SKIC3: variants seen among roughly 807,000 people sequenced by gnomAD.
SKIC3 encodes superkiller complex protein 3.
the SKIC3 span, chr5:95,523,746 C>T: frequency 6.8e-6 from 11 of 1,613,544 alleles, no homozygotes; most frequent in African/African-American, 4.0e-5. Flanking sequence ...ATAACATCCA[C>T]GAGCTCTGTT....
the SKIC3 span, among the ~76,000 whole-genome samples, chr5:95,489,783 A>C: frequency 6.6e-6 from 1 of 152,168 alleles, no homozygotes; most frequent in Admixed American, 6.5e-5. Context: ...GCGGATAAAA[A>C]ATAAAAATAG....
the SKIC3 span, chr5:95,525,283 C>A: frequency 1.6e-5 from 16 of 999,238 alleles, no homozygotes; most frequent in Admixed American, 1.4e-4. Flanking sequence ...TTAAAGCCTA[C>A]AAAGATCAAA....
the SKIC3 span, among the ~76,000 whole-genome samples, chr5:95,552,956 A>T: frequency 6.6e-6 from 1 of 151,648 alleles, no homozygotes. Flanking sequence ...ATGAATGGTT[A>T]AAAATAGAGG....
the SKIC3 span, among the ~76,000 whole-genome samples, chr5:95,520,432 T>G: frequency 6.7e-6 from 1 of 149,700 alleles, no homozygotes; most frequent in East Asian, 2.0e-4. Context: ...CACTAACACA[T>G]GGTGTCAGAG....
At chr5:95,528,040 TGAA>T in the SKIC3 span, 1 of 1,613,758 alleles carries the variant, frequency 6.2e-7, no homozygotes, top group Non-Finnish European at 8.5e-7. Context: ...TTGCTTCCTC[TGAA>T]GAGTCATAAT....
the SKIC3 span, among the ~76,000 whole-genome samples, chr5:95,509,273 T>G: frequency 6.6e-5 from 10 of 151,840 alleles, no homozygotes; most frequent in African/African-American, 2.4e-4. Flanking sequence ...TAAAACCGGG[T>G]CCTTGTCACA....
chr5:95,499,193 T>C, the SKIC3 span, among the ~76,000 whole-genome samples: 1 of 152,206 alleles, frequency 6.6e-6, no homozygotes, highest in African/African-American at 2.4e-5. Flanking sequence ...CCATGTTGAA[T>C]TGTAATCCCC....
At chr5:95,537,259 A>G in the SKIC3 span, 1 of 904,248 alleles carries the variant, frequency 1.1e-6, no homozygotes, top group Non-Finnish European at 1.7e-6. Context: ...TCTACAGTCT[A>G]ACCCTGACAA....
chr5:95,511,176 C>T, the SKIC3 span, among the ~76,000 whole-genome samples: 16 of 152,238 alleles, frequency 1.1e-4, no homozygotes, highest in Admixed American at 3.9e-4. Context: ...TTTGGGAGTC[C>T]GAGGCGGGTG....
At chr5:95,551,451 G>A in the SKIC3 span, among the ~76,000 whole-genome samples, 78 of 152,262 alleles carry the variant, frequency 5.1e-4, 1 homozygote, top group African/African-American at 1.8e-3. Context: ...TACCGAAATA[G>A]AAGTGTCACT....
At chr5:95,543,111 T>C in the SKIC3 span, 8 of 1,568,370 alleles carry the variant, frequency 5.1e-6, no homozygotes, top group East Asian at 1.1e-4. Context: ...TAGTTTAATG[T>C]TGAAACCTGT....
At chr5:95,502,872 A>C in the SKIC3 span, 2 of 1,612,924 alleles carry the variant, frequency 1.2e-6, no homozygotes, top group Non-Finnish European at 1.7e-6. Flanking sequence ...GATGTCAACT[A>C]TACATACCAT....
At chr5:95,511,319 C>T in the SKIC3 span, among the ~76,000 whole-genome samples, 1 of 152,184 alleles carries the variant, frequency 6.6e-6, no homozygotes, top group Non-Finnish European at 1.5e-5. Flanking sequence ...AAGGCTAAGG[C>T]AAGAGAATGG....
the SKIC3 span, chr5:95,498,596 A>G: frequency 1.9e-6 from 3 of 1,611,788 alleles, no homozygotes; most frequent in Non-Finnish European, 2.5e-6. Context: ...ATAGAGCTGT[A>G]AAGATATTTT....
At chr5:95,554,004 G>A in the SKIC3 span, among the ~76,000 whole-genome samples, 4 of 152,142 alleles carry the variant, frequency 2.6e-5, no homozygotes, top group Non-Finnish European at 4.4e-5. Flanking sequence ...GCTCTGACTG[G>A]CTCCCTGTGT....
At chr5:95,483,194 T>C in the SKIC3 span, among the ~76,000 whole-genome samples, 1 of 152,164 alleles carries the variant, frequency 6.6e-6, no homozygotes, top group Non-Finnish European at 1.5e-5. Context: ...CATACATAAA[T>C]GTATTGTATA....
the SKIC3 span, among the ~76,000 whole-genome samples, chr5:95,467,401 C>G: frequency 6.6e-6 from 1 of 152,142 alleles, no homozygotes; most frequent in Middle Eastern, 3.2e-3. Flanking sequence ...GTTGTTGGTA[C>G]TCAAAAAGTG....
the SKIC3 span, chr5:95,541,301 C>T: frequency 7.4e-6 from 12 of 1,613,334 alleles, no homozygotes; most frequent in Admixed American, 5.0e-5. Flanking sequence ...AATCATTCAC[C>T]AACCTCTAGG....
chr5:95,503,115 T>G, the SKIC3 span: 2 of 1,157,120 alleles, frequency 1.7e-6, no homozygotes. Flanking sequence ...CAATTATATC[T>G]TTGTATTCTC....
Sources: gnomAD v4.1 joint callset for allele counts (sites outside exome capture counted in the v4.1 genomes callset) on GRCh38, gnomAD v4.1.1 for gene constraint, MANE v1.5 for transcripts, NCBI Gene and HGNC (gene_info 2026-07-23, HGNC 2026-07-21) for gene names.